The following PTGER3 variants were observed in gnomAD, a reference collection of about 807,000 sequenced individuals.
PTGER3 encodes the protein prostaglandin E2 receptor EP3 subtype.
In PTGER3, 22 loss-of-function variants were observed where a neutral mutation model predicts 34.7. The ratio of observed to expected loss-of-function variants is 0.63; its 90% CI spans 0.45 to 0.91. PTGER3 has a LOEUF of 0.91. PTGER3 is among the 40% of genes least tolerant of loss of function. The pLI, the probability that PTGER3 is intolerant of heterozygous loss-of-function variation, is 0.00. For missense variants in PTGER3, 468 were observed against 519.4 expected (o/e 0.90, Z 0.96); for synonymous variants, 241 against 230.1 (o/e 1.05, Z -0.43).
intron 4 of PTGER3, among the ~76,000 whole-genome samples, chr1:70,899,101 A>G (rs1299331465): frequency 2.0e-5 from 3 of 152,188 alleles, no homozygotes; most frequent in Non-Finnish European, 4.4e-5. Context: ...AAGGCATAAT[A>G]TATGCCAAAA....
At position 71,047,769 on chromosome 1, in the gene PTGER3, C is replaced by T; in HGVS notation, c.-192G>A. On this transcript the variant is annotated 5_prime_UTR_variant, in exon 1 of 4. Transcript: ENST00000306666. Reference sequence around the variant, plus strand: ...GCGGCGGCGCCAGGGCTCACTGGCCCGGGAGGGAGCCACGCCTTCCTCTCT... The same window carrying T: ...GCGGCGGCGCCAGGGCTCACTGGCCTGGGAGGGAGCCACGCCTTCCTCTCT... 2.2e-6 allele frequency: 1 copy of T among 464,208 alleles called. No individual in the cohort carries two copies. The highest frequency in any genetic ancestry group is 1.1e-4 in the South Asian group (1 of 9,256). The allele number at this position is 464,208 out of a possible 1,614,324, so 28.8% of individuals were successfully genotyped here.
At chr1:70,894,241 G>A (rs1178000338) in intron 4 of PTGER3, among the ~76,000 whole-genome samples, 4 of 148,174 alleles carry the variant, frequency 2.7e-5, no homozygotes, top group East Asian at 4.0e-4. Flanking sequence ...CCTGGTGGGC[G>A]GAGGTTGCAG....
chr1:71,006,338 C>T (rs1656963260), intron 2 of PTGER3: 5 of 985,232 alleles, frequency 5.1e-6, no homozygotes, highest in Admixed American at 6.2e-5. Context: ...CAGAGCTTCT[C>T]CCTTCATTGA....
intron 2 of PTGER3, chr1:71,007,065 C>A (rs1227372567): frequency 1.0e-6 from 1 of 984,798 alleles, no homozygotes; most frequent in Non-Finnish European, 1.2e-6. Flanking sequence ...CGATAACTAC[C>A]CATAAAACTT....
At chr1:71,014,886 C>G (rs1439738010) in intron 1 of PTGER3, among the ~76,000 whole-genome samples, 1 of 152,172 alleles carries the variant, frequency 6.6e-6, no homozygotes, top group Non-Finnish European at 1.5e-5. Context: ...TGATCAAATC[C>G]TCTCCAACTA....
chr1:71,033,885 G>A (rs1659605173), intron 1 of PTGER3, among the ~76,000 whole-genome samples: 1 of 151,856 alleles, frequency 6.6e-6, no homozygotes, highest in Non-Finnish European at 1.5e-5. Flanking sequence ...GTAATTTTTT[G>A]TTATTTTTCT....
At chr1:70,959,510 G>A (rs1343719332) in intron 2 of PTGER3, among the ~76,000 whole-genome samples, 4 of 151,982 alleles carry the variant, frequency 2.6e-5, no homozygotes, top group Non-Finnish European at 5.9e-5. Context: ...ACAGGCAACT[G>A]CCACCATGCT....
intron 1 of PTGER3, among the ~76,000 whole-genome samples, chr1:71,042,033 G>A (rs1660360917): frequency 6.6e-6 from 1 of 151,982 alleles, no homozygotes; most frequent in Non-Finnish European, 1.5e-5. Context: ...TTTAGTTGTT[G>A]ACCTTCACAG....
intron 4 of PTGER3, among the ~76,000 whole-genome samples, chr1:70,889,562 T>G (rs900248238): frequency 3.9e-5 from 6 of 152,102 alleles, no homozygotes; most frequent in Admixed American, 3.9e-4. Flanking sequence ...CATATAAATA[T>G]TACCATGGCT....
intron 4 of PTGER3, among the ~76,000 whole-genome samples, chr1:70,911,705 G>T (rs750136082): frequency 1.3e-5 from 2 of 152,106 alleles, no homozygotes; most frequent in South Asian, 4.1e-4. Context: ...TCTATTAAAA[G>T]CTTAGACAAG....
At chr1:70,993,646 T>G (rs1011423608) in intron 2 of PTGER3, among the ~76,000 whole-genome samples, 2 of 152,186 alleles carry the variant, frequency 1.3e-5, no homozygotes, top group Admixed American at 6.5e-5. Flanking sequence ...CAGGTGTGCT[T>G]TGGAGTTTTC....
intron 2 of PTGER3, among the ~76,000 whole-genome samples, chr1:70,991,668 G>T (rs1447001720): frequency 6.6e-6 from 1 of 152,084 alleles, no homozygotes; most frequent in Non-Finnish European, 1.5e-5. Flanking sequence ...CCAGCCCTTC[G>T]TGTCTTTCCC....
chr1:70,959,100 T>G (rs545404529), intron 2 of PTGER3, among the ~76,000 whole-genome samples: 3 of 152,196 alleles, frequency 2.0e-5, no homozygotes, highest in African/African-American at 7.2e-5. Context: ...CGAAGTCAGA[T>G]AGTGTGATGC....
chr1:70,937,668 G>A (rs1649350045), intron 4 of PTGER3, among the ~76,000 whole-genome samples: 1 of 152,136 alleles, frequency 6.6e-6, no homozygotes, highest in African/African-American at 2.4e-5. Context: ...CTCTCACATA[G>A]AAAATCTATT....
At chr1:71,016,361 G>T in intron 1 of PTGER3, among the ~76,000 whole-genome samples, 1 of 152,076 alleles carries the variant, frequency 6.6e-6, no homozygotes, top group East Asian at 1.9e-4. Context: ...GTATATATAA[G>T]TATTAAGTGA....
In PTGER3 at chr1:70,953,169, AT is replaced by A. The variant is rs1476069202; in HGVS notation, c.1105-111del. 7.4e-6 allele frequency: 7 copies of A among 951,426 alleles called. No individual in the cohort carries two copies. In the Admixed American group the frequency reaches 1.5e-4, roughly 21 times the overall value. The allele number at this position is 951,426 out of a possible 1,614,324, so 58.9% of individuals were successfully genotyped here. A position where few individuals can be genotyped will look rare whatever the true frequency, so the allele number is the denominator to read the frequency against. ...ACAGTATAATCACTATTTATACAAC[AT>A]TTACATTGTATTAGGCATTATAAAT... On this transcript the variant is annotated intron_variant, in intron 3 of 3. Coordinates refer to the PTGER3 transcript ENST00000356595.
chr1:70,866,822 A>T lies in PTGER3; in HGVS notation c.*24-13963T>A, dbSNP rs116590472. Among the ~76,000 whole-genome samples the T allele has an allele frequency of 3.3e-3, 500 of 152,182 alleles. 1 individual carries two copies. The highest frequency in any genetic ancestry group is 0.012 in the African/African-American group (481 of 41,528). ...CTGTAACTCCAATCTGGACTTCTGCATTTTTTCCAGGCAGCGGGATAGGGG... is the reference window on the plus strand; with the variant it reads ...CTGTAACTCCAATCTGGACTTCTGCTTTTTTTCCAGGCAGCGGGATAGGGG... On this transcript the variant is annotated intron_variant, in intron 4 of 4. Coordinates refer to the PTGER3 transcript ENST00000370931.
At chr1:71,011,160 A>T in intron 2 of PTGER3, 1 of 985,654 alleles carries the variant, frequency 1.0e-6, no homozygotes, top group Non-Finnish European at 1.2e-6. Context: ...AAGCTTAGCT[A>T]TTGAGGTTTG....
At chr1:70,856,640 G>A (rs576968207) in intron 4 of PTGER3, among the ~76,000 whole-genome samples, 8 of 152,138 alleles carry the variant, frequency 5.3e-5, no homozygotes, top group African/African-American at 1.7e-4. Flanking sequence ...AGGTTAGAAG[G>A]TGTTTCAGAA....
Sources: gnomAD v4.1 joint callset for allele counts (sites outside exome capture counted in the v4.1 genomes callset) on GRCh38, gnomAD v4.1.1 for gene constraint, MANE v1.5 for transcripts, NCBI Gene and HGNC (gene_info 2026-07-23, HGNC 2026-07-21) for gene names.